The following OR51I2 variants were observed in gnomAD, a reference collection of about 807,000 sequenced individuals.
OR51I2 encodes the protein olfactory receptor family 51 subfamily I member 2, also known as olfactory receptor 51I2.
OR51I2 carries 6 observed loss-of-function variants against 9.3 expected under a neutral mutation model. The ratio of observed to expected loss-of-function variants is 0.64; its 90% CI spans 0.35 to 1.27. The LOEUF is 1.27. OR51I2 is among the 50% of genes most tolerant of loss of function. OR51I2 has a pLI of 0.03. For missense variants in OR51I2, 489 were observed against 396.4 expected (o/e 1.23, Z -1.98); for synonymous variants, 179 against 143.1 (o/e 1.25, Z -1.79).
In OR51I2 at chr11:5,453,759, A is replaced by G. The variant is rs1346822271; in HGVS notation, c.271A>G (p.Asn91Asp). The G allele has an allele frequency of 4.3e-6, 7 of 1,614,050 alleles. No individual in the cohort carries two copies. Among genetic ancestry groups the G allele is most frequent in the Non-Finnish European group, 5.9e-6 (7 of 1,180,032 alleles). Residue 91 changes from asparagine to aspartate, a missense_variant, in exon 2 of 2, where the codon AAC (asparagine) becomes GAC (aspartate). By Grantham distance (23) the Asn-to-Asp change is conservative (BLOSUM62 1). Coordinates refer to ENST00000641930, the MANE Select transcript of OR51I2 (RefSeq NM_001004754.3). ...VLRTFCLNAR[N>D]ITFDACLIQM... ...CCGAACCTTCTGCCTCAATGCCCGC[A>G]ACATCACTTTTGATGCCTGTCTAAT...
rs186753628 is a variant in OR51I2 at position 5,452,089 on chromosome 11, T to C, written c.-230-1170T>C. 2.8e-3 allele frequency among the ~76,000 whole-genome samples: 419 copies of C among 152,298 alleles called. 2 individuals are homozygous for C. Among genetic ancestry groups the C allele is most frequent in the Non-Finnish European group, 4.4e-3 (298 of 68,028 alleles). On this transcript the variant is annotated intron_variant, in intron 1 of 1. Transcript: ENST00000641930. ...AGTGGGCAGTCCCCAAGCATGTAGA[T>C]AGAAGTGTTGTGTGAGTATACAAAT... is the stretch of plus-strand genomic sequence containing the variant.
intron 1 of OR51I2, among the ~76,000 whole-genome samples, chr11:5,452,491 A>G (rs10838130): frequency 1.1e-4 from 14 of 123,246 alleles, no homozygotes; most frequent in African/African-American, 4.5e-4. Context: ...GGCAAAAGAG[A>G]GAGACTCTGT....
rs774334215 is a variant in OR51I2, at chr11:5,455,515, T to A, written c.*1088T>A. On this transcript the variant is annotated 3_prime_UTR_variant, in exon 2 of 2. Coordinates refer to ENST00000641930, the MANE Select transcript of OR51I2 (RefSeq NM_001004754.3). ...TTGGTGCTGTCATACTAAGTTTAGA[T>A]CTACTTGTAGATCAAAAGAGAGCGA... 7.9e-6 allele frequency: 1 copy of A among 126,544 alleles called. No homozygotes were observed. The highest frequency in any genetic ancestry group is 1.6e-5 in the Non-Finnish European group (1 of 63,082). The allele number at this position is 126,544 out of a possible 1,614,324, so 7.8% of individuals were successfully genotyped here.
At position 5,454,153 on chromosome 11, in the gene OR51I2, T is replaced by C. The variant is rs757544936; in HGVS notation, c.665T>C (p.Leu222Pro). 2.1e-5 allele frequency: 34 copies of C among 1,614,110 alleles called. No homozygotes were observed. In the South Asian group the frequency reaches 3.6e-4, roughly 17 times the overall value. Residue 222 changes from leucine to proline, a missense_variant, in exon 2 of 2, where the codon CTG becomes CCG. Transcript: ENST00000641930. Reference sequence around the variant, plus strand: ...ATCTTCCTCTCCTATGTGCTCATTCTGCGTTCTGTCATGGCCACTGCTTCC... The same window carrying C: ...ATCTTCCTCTCCTATGTGCTCATTCCGCGTTCTGTCATGGCCACTGCTTCC... ...FFIFLSYVLI[L>P]RSVMATASRE...
In OR51I2 at chr11:5,453,390, CTCT is replaced by C; in HGVS notation, c.-97_-95del. The C allele has an allele frequency of 1.2e-6, 1 of 808,986 alleles. No individual in the cohort carries two copies. The highest frequency in any genetic ancestry group is 3.1e-5 in the Admixed American group (1 of 32,432). The allele number at this position is 808,986 out of a possible 1,614,324, so 50.1% of individuals were successfully genotyped here. A position where few individuals can be genotyped will look rare whatever the true frequency, so the allele number is the denominator to read the frequency against. ...ATTTATGTCAACATCATCGCTTTGT[CTCT>C]TATCTCCTGATTTCTTGTCCTCCAG... On this transcript the variant is annotated 5_prime_UTR_variant, in exon 2 of 2. Coordinates refer to ENST00000641930, the MANE Select transcript of OR51I2 (RefSeq NM_001004754.3).
At position 5,453,766 on chromosome 11, in the gene OR51I2, C is replaced by T. The variant is rs1351852510; in HGVS notation, c.278C>T (p.Thr93Ile). 6.2e-7 allele frequency: 1 copy of T among 1,614,212 alleles called. No individual in the cohort carries two copies. The highest frequency in any genetic ancestry group is 8.5e-7 in the Non-Finnish European group (1 of 1,180,026). ...RTFCLNARNI[T>I]FDACLIQMFL... ...TTCTGCCTCAATGCCCGCAACATCA[C>T]TTTTGATGCCTGTCTAATTCAGATG... Residue 93 changes from threonine to isoleucine, a missense_variant, in exon 2 of 2, where the codon ACT becomes ATT. By Grantham distance (89) the Thr-to-Ile change is moderately conservative. Coordinates refer to ENST00000641930, the MANE Select transcript of OR51I2 (RefSeq NM_001004754.3).
At chr11:5,452,196 A>C (rs945944903) in intron 1 of OR51I2, among the ~76,000 whole-genome samples, 1 of 152,116 alleles carries the variant, frequency 6.6e-6, no homozygotes, top group Non-Finnish European at 1.5e-5. Flanking sequence ...CAAGATCTAC[A>C]TGTTAAATGG....
intron 1 of OR51I2, among the ~76,000 whole-genome samples, chr11:5,451,757 T>G (rs1245405821): frequency 1.3e-5 from 2 of 152,094 alleles, no homozygotes; most frequent in Non-Finnish European, 2.9e-5. Context: ...CTTGCTTTGT[T>G]AGAGGTTGGA....
At position 5,455,299 on chromosome 11, in the gene OR51I2, C is replaced by T. The variant is rs1354055144; in HGVS notation, c.*872C>T. ...TTCTTGAGATTTTAACTGTCTTCCACAAAATGACATGTTAAGAGATGTTAG... is the reference window on the plus strand; with the variant it reads ...TTCTTGAGATTTTAACTGTCTTCCATAAAATGACATGTTAAGAGATGTTAG... On this transcript the variant is annotated 3_prime_UTR_variant, in exon 2 of 2. Coordinates refer to ENST00000641930, the MANE Select transcript of OR51I2 (RefSeq NM_001004754.3). 2.1e-5 allele frequency: 3 copies of T among 145,702 alleles called. No individual in the cohort carries two copies. The East Asian group carries it at 6.0e-4, about 29-fold the overall frequency. 9.0% of individuals were successfully genotyped at this position (145,702 alleles called of 1,614,324 possible).
Position 5,453,826 on chromosome 11 carries a change from G to T in OR51I2, c.338G>T (p.Gly113Val), listed in dbSNP as rs1487333451. 1.2e-6 allele frequency: 2 copies of T among 1,614,194 alleles called. No individual in the cohort carries two copies. Among genetic ancestry groups the T allele is most frequent in the Non-Finnish European group, 1.7e-6 (2 of 1,180,040 alleles). Residue 113 changes from glycine to valine, a missense_variant, in exon 2 of 2, where the codon GGT (glycine) becomes GTT (valine). Coordinates refer to ENST00000641930, the MANE Select transcript of OR51I2 (RefSeq NM_001004754.3). ...LIHFFSMMES[G>V]ILLAMSFDRY... ...CACTTCTTCTCCATGATGGAATCAGGTATTCTGCTGGCCATGAGTTTTGAC... is the reference window on the plus strand; with the variant it reads ...CACTTCTTCTCCATGATGGAATCAGTTATTCTGCTGGCCATGAGTTTTGAC...
chr11:5,454,771 T>C lies in OR51I2; in HGVS notation c.*344T>C, dbSNP rs1439466190. On this transcript the variant is annotated 3_prime_UTR_variant, in exon 2 of 2. Coordinates refer to ENST00000641930, the MANE Select transcript of OR51I2 (RefSeq NM_001004754.3). ...TCCTAAAATGTATCAAGTACTATTA[T>C]AAATTATTTGTGTGTATTAATTCAC... The C allele has an allele frequency of 1.7e-5, 3 of 171,722 alleles. No individual in the cohort carries two copies. Among genetic ancestry groups the C allele is most frequent in the African/African-American group, 4.8e-5 (2 of 41,856 alleles). The allele number at this position is 171,722 out of a possible 1,614,324, so 10.6% of individuals were successfully genotyped here.
Position 5,453,336 on chromosome 11 carries a change from G to T in OR51I2, c.-153G>T, listed in dbSNP as rs1850886033. On this transcript the variant is annotated 5_prime_UTR_variant, in exon 2 of 2. Transcript: ENST00000641930. The stretch of plus-strand genomic sequence containing the variant: ...GGAGTTTGCCTGCATCATCTCAAAA[G>T]CAGTGATTTCATGAATGCGTCAGTT... 1.4e-5 allele frequency: 7 copies of T among 492,846 alleles called. No individual in the cohort carries two copies. The highest frequency in any genetic ancestry group is 3.9e-5 in the African/African-American group (2 of 50,772). 30.5% of individuals were successfully genotyped at this position (492,846 alleles called of 1,614,324 possible). A position where few individuals can be genotyped will look rare whatever the true frequency, so the allele number is the denominator to read the frequency against.
At chr11:5,450,360 C>A (rs1850825696) in intron 1 of OR51I2, among the ~76,000 whole-genome samples, 1 of 152,100 alleles carries the variant, frequency 6.6e-6, no homozygotes, top group Non-Finnish European at 1.5e-5. Flanking sequence ...CTGCACTCCA[C>A]CCTGGATGAT....
chr11:5,455,748 C>T lies in OR51I2; in HGVS notation c.*1321C>T, dbSNP rs952796618. ...TCTCTTTGTATTGAGGAAATACCAACAAGAGAGAGAGTCAGAAAGAGGGAG... is the reference window on the plus strand; with the variant it reads ...TCTCTTTGTATTGAGGAAATACCAATAAGAGAGAGAGTCAGAAAGAGGGAG... On this transcript the variant is annotated 3_prime_UTR_variant, in exon 2 of 2. Coordinates refer to ENST00000641930, the MANE Select transcript of OR51I2 (RefSeq NM_001004754.3). 2.0e-5 allele frequency: 3 copies of T among 151,892 alleles called. No individual in the cohort carries two copies. Among genetic ancestry groups the T allele is most frequent in the Non-Finnish European group, 2.9e-5 (2 of 67,960 alleles). The allele number at this position is 151,892 out of a possible 1,614,324, so 9.4% of individuals were successfully genotyped here.
At position 5,453,508 on chromosome 11, in the gene OR51I2, C is replaced by A. The variant is rs778549994; in HGVS notation, c.20C>A (p.Thr7Asn). 6.4e-7 allele frequency: 1 copy of A among 1,564,416 alleles called. No individual in the cohort carries two copies. Among genetic ancestry groups the A allele is most frequent in the Non-Finnish European group, 8.6e-7 (1 of 1,158,598 alleles). Residue 7 changes from threonine (T) to asparagine (N), a missense_variant, in exon 2 of 2, where the codon ACT becomes AAT. Thr to Asn is a moderately conservative substitution (Grantham distance 65, BLOSUM62 0). Transcript: ENST00000641930. ...TTTGCTATGGGGTTGTTCAATGTCACTCACCCTGCATTCTTCCTCCTGACT... is the reference window on the plus strand; with the variant it reads ...TTTGCTATGGGGTTGTTCAATGTCAATCACCCTGCATTCTTCCTCCTGACT... Reference protein sequence around the residue: MGLFNVTHPAFFLLTGI... With the variant: MGLFNVNHPAFFLLTGI...
At chr11:5,452,436 G>A (rs1235850022) in intron 1 of OR51I2, among the ~76,000 whole-genome samples, 1 of 147,564 alleles carries the variant, frequency 6.8e-6, no homozygotes, top group South Asian at 2.2e-4. Context: ...AACCCGGGAG[G>A]TGGAGTTGCA....
At chr11:5,450,821 T>C (rs1283216392) in intron 1 of OR51I2, among the ~76,000 whole-genome samples, 1 of 152,160 alleles carries the variant, frequency 6.6e-6, no homozygotes, top group African/African-American at 2.4e-5. Flanking sequence ...CATGCGGTGT[T>C]TGGTTTTCTG....
chr11:5,453,404 T>TTTC lies in OR51I2; in HGVS notation c.-82_-80dup. 1.0e-6 allele frequency: 1 copy of TTTC among 967,648 alleles called. No homozygotes were observed. The allele number at this position is 967,648 out of a possible 1,614,324, so 59.9% of individuals were successfully genotyped here. ...CATCGCTTTGTCTCTTATCTCCTGA[T>TTTC]TTCTTGTCCTCCAGCAAGTGCAACT... On this transcript the variant is annotated 5_prime_UTR_variant, in exon 2 of 2. Transcript: ENST00000641930.
rs376306443 is a variant in OR51I2, at chr11:5,453,750, A to C, written c.262A>C (p.Asn88His). The C allele has an allele frequency of 1.2e-6, 2 of 1,614,036 alleles. No individual in the cohort carries two copies. The highest frequency in any genetic ancestry group is 1.3e-5 in the African/African-American group (1 of 74,914). Reference sequence around the variant, plus strand: ...CACTGTACTCCGAACCTTCTGCCTCAATGCCCGCAACATCACTTTTGATGC... The same window carrying C: ...CACTGTACTCCGAACCTTCTGCCTCCATGCCCGCAACATCACTTTTGATGC... ...LPTVLRTFCL[N>H]ARNITFDACL... Residue 88 changes from asparagine to histidine, a missense_variant, in exon 2 of 2, where the codon AAT (asparagine) becomes CAT (histidine). Physicochemically the swap from Asn to His is moderately conservative, Grantham distance 68 (BLOSUM62 1). Coordinates refer to ENST00000641930, the MANE Select transcript of OR51I2 (RefSeq NM_001004754.3).
Sources: allele counts gnomAD v4.1 joint callset (sites outside exome capture counted in the v4.1 genomes callset), GRCh38; gene constraint gnomAD v4.1.1; transcripts MANE v1.5; gene names NCBI Gene and HGNC (gene_info 2026-07-23, HGNC 2026-07-21).